Variants in PDE4D observed in about 807,000 individuals in gnomAD.
PDE4D encodes the protein phosphodiesterase 4D, also known as 3',5'-cyclic-AMP phosphodiesterase 4D.
A neutral mutation model predicts 87.4 loss-of-function variants in PDE4D; 24 were observed. That is an observed-to-expected ratio of 0.27 (90% CI 0.20 to 0.39). The LOEUF is 0.39. PDE4D is among the 10% of genes least tolerant of loss of function. The probability of loss-of-function intolerance (pLI) is 1.00; values close to 1 mark genes in which losing one functional copy is unlikely to be tolerated. For synonymous variants in PDE4D, 384 were observed against 383.2 expected, an observed-to-expected ratio of 1.00 and a Z score of -0.02; for missense variants, 714 against 1,041.0, an observed-to-expected ratio of 0.69 and a Z score of 4.32.
chr5:59,106,924 C>T (rs1771677859), intron 5 of PDE4D, among the ~76,000 whole-genome samples: 1 of 152,176 alleles, frequency 6.6e-6, no homozygotes, highest in Non-Finnish European at 1.5e-5. Flanking sequence ...TAGCATACAT[C>T]AGCTTTTTTT....
chr5:60,437,981 G>C (rs1054693402), intron 1 of PDE4D, among the ~76,000 whole-genome samples: 3 of 152,134 alleles, frequency 2.0e-5, no homozygotes, highest in African/African-American at 7.2e-5. Flanking sequence ...CATCTCTTTT[G>C]TGATTGACAG....
At chr5:59,526,619 C>T (rs1163145560) in intron 1 of PDE4D, among the ~76,000 whole-genome samples, 1 of 152,046 alleles carries the variant, frequency 6.6e-6, no homozygotes, top group Non-Finnish European at 1.5e-5. Flanking sequence ...GAATCTTTTC[C>T]CATTGCTTAA....
chr5:59,556,639 G>T (rs1818971412), intron 1 of PDE4D, among the ~76,000 whole-genome samples: 1 of 152,102 alleles, frequency 6.6e-6, no homozygotes, highest in Non-Finnish European at 1.5e-5. Flanking sequence ...CATTTCTTTT[G>T]TTTTCCTGCT....
At chr5:60,036,419 A>C (rs898338764) in intron 2 of PDE4D, among the ~76,000 whole-genome samples, 1 of 152,210 alleles carries the variant, frequency 6.6e-6, no homozygotes, top group African/African-American at 2.4e-5. Context: ...GTGTGAGCTC[A>C]TCAGCAGAGT....
chr5:59,812,900 G>A (rs1309862866), intron 1 of PDE4D, among the ~76,000 whole-genome samples: 1 of 152,206 alleles, frequency 6.6e-6, no homozygotes, highest in Non-Finnish European at 1.5e-5. Flanking sequence ...ACCGAACCTG[G>A]CTGCAAAGAA....
rs528118905 is a variant in PDE4D at position 60,113,647 on chromosome 5, C to T, written c.42+71910G>A. ...CCATGACATTGGAAGAAATATTGTT[C>T]TCCTGATAGAAGGTCAGTTCCTAAA... On this transcript the variant is annotated intron_variant, in intron 2 of 16. Transcript: ENST00000502484. Among the ~76,000 whole-genome samples, 10 of 152,208 alleles carry T rather than the reference C, an allele frequency of 6.6e-5. No homozygotes were observed. The East Asian group carries it at 9.6e-4, about 15-fold the overall frequency.
chr5:59,635,265 A>C (rs1161425969), intron 1 of PDE4D, among the ~76,000 whole-genome samples: 1 of 152,174 alleles, frequency 6.6e-6, no homozygotes, highest in Admixed American at 6.5e-5. Flanking sequence ...CAACCAAAAA[A>C]AGCCCAGGAC....
chr5:60,482,015 C>G (rs1189591045), intron 1 of PDE4D, among the ~76,000 whole-genome samples: 1 of 152,064 alleles, frequency 6.6e-6, no homozygotes, highest in Non-Finnish European at 1.5e-5. Flanking sequence ...GCAGAAATAG[C>G]TTAGTGGATC....
chr5:59,406,216 G>A (rs578087444), intron 1 of PDE4D, among the ~76,000 whole-genome samples: 129 of 152,058 alleles, frequency 8.5e-4, no homozygotes, highest in Admixed American at 2.0e-3. Context: ...GTATTGGTCT[G>A]TTCAGGTTTT....
At chr5:60,400,185 T>C (rs1302023564) in intron 1 of PDE4D, among the ~76,000 whole-genome samples, 1 of 152,180 alleles carries the variant, frequency 6.6e-6, no homozygotes, top group Non-Finnish European at 1.5e-5. Context: ...GAATGTGGAA[T>C]GGTAAAACAG....
chr5:60,483,797 A>G (rs1748916667), intron 1 of PDE4D, among the ~76,000 whole-genome samples: 1 of 152,022 alleles, frequency 6.6e-6, no homozygotes, highest in South Asian at 2.1e-4. Flanking sequence ...GAGATAATCC[A>G]CTCCATTTTA....
chr5:59,764,899 C>G (rs954399084), intron 1 of PDE4D, among the ~76,000 whole-genome samples: 1 of 152,008 alleles, frequency 6.6e-6, no homozygotes, highest in African/African-American at 2.4e-5. Flanking sequence ...TCAGGGACTC[C>G]GCCCTCCTCA....
chr5:59,256,822 A>C (rs1761067936), intron 1 of PDE4D, among the ~76,000 whole-genome samples: 1 of 152,096 alleles, frequency 6.6e-6, no homozygotes, highest in Non-Finnish European at 1.5e-5. Flanking sequence ...TTAACTAACA[A>C]CTACGTAAAT....
chr5:60,245,180 T>A (rs999860603), intron 1 of PDE4D, among the ~76,000 whole-genome samples: 2 of 151,844 alleles, frequency 1.3e-5, no homozygotes, highest in Non-Finnish European at 2.9e-5. Context: ...AAAACAGATA[T>A]ATGAAAAGGT....
chr5:59,161,694 C>A (rs562874410), intron 5 of PDE4D, among the ~76,000 whole-genome samples: 1 of 152,302 alleles, frequency 6.6e-6, no homozygotes, highest in Admixed American at 6.5e-5. Context: ...GGTGAGGGTG[C>A]AGGCGTGCTT....
chr5:59,735,264 A>G (rs1757919575), intron 1 of PDE4D, among the ~76,000 whole-genome samples: 1 of 152,200 alleles, frequency 6.6e-6, no homozygotes. Flanking sequence ...GGGAGTTTAG[A>G]CTTGAGATGT....
At chr5:59,389,471 A>G (rs866854526) in intron 1 of PDE4D, among the ~76,000 whole-genome samples, 1 of 152,156 alleles carries the variant, frequency 6.6e-6, no homozygotes, top group Non-Finnish European at 1.5e-5. Flanking sequence ...GGGTGCTGGG[A>G]AAAGAGAACT....
At chr5:59,298,413 C>A (rs528106940) in intron 1 of PDE4D, among the ~76,000 whole-genome samples, 1 of 151,932 alleles carries the variant, frequency 6.6e-6, no homozygotes, top group African/African-American at 2.4e-5. Flanking sequence ...CCGTGCCTGG[C>A]CATAAGTGTA....
At chr5:59,447,756 A>C (rs1798555123) in intron 1 of PDE4D, among the ~76,000 whole-genome samples, 1 of 152,194 alleles carries the variant, frequency 6.6e-6, no homozygotes. Context: ...TTGTGCCAGG[A>C]TTATACTTCC....
Sources: allele counts gnomAD v4.1 joint callset (sites outside exome capture counted in the v4.1 genomes callset), GRCh38; gene constraint gnomAD v4.1.1; transcripts MANE v1.5; gene names NCBI Gene and HGNC (gene_info 2026-07-23, HGNC 2026-07-21).